DAP3: variants seen among roughly 807,000 people sequenced by gnomAD.
The protein encoded by DAP3 is small ribosomal subunit protein mS29.
A neutral mutation model predicts 51.9 loss-of-function variants in DAP3; 28 were observed. That is an observed-to-expected ratio of 0.54 (90% CI 0.40 to 0.74). The LOEUF is 0.74. Ranked by LOEUF, DAP3 falls within the 30% of genes least tolerant of loss-of-function variation. The probability of loss-of-function intolerance (pLI) is 0.00; values close to 1 mark genes in which losing one functional copy is unlikely to be tolerated. For missense variants in DAP3, 458 were observed against 483.5 expected (o/e 0.95, Z 0.49); for synonymous variants, 170 against 170.3 (o/e 1.00, Z 0.01).
chr1:155,710,491 A>G (rs1438276695), intron 2 of DAP3: 2 of 152,148 alleles, frequency 1.3e-5, no homozygotes, highest in Non-Finnish European at 2.9e-5. Context: ...AGGCCTCCCA[A>G]AGTGCTGGGA....
At chr1:155,689,015 C>G, upstream of DAP3, 1 of 1,587,634 alleles carries the variant, frequency 6.3e-7, no homozygotes, top group Non-Finnish European at 8.6e-7. Context: ...CCTAGCGCCC[C>G]TCTGCCGGCC....
upstream of DAP3, chr1:155,688,679 G>T: frequency 3.9e-6 from 6 of 1,531,228 alleles, no homozygotes; most frequent in Non-Finnish European, 5.2e-6. Context: ...GCGAGCCCAA[G>T]CCTTCTCCAC....
intron 1 of DAP3, among the ~76,000 whole-genome samples, chr1:155,702,616 A>G (rs1655452379): frequency 6.6e-6 from 1 of 152,174 alleles, no homozygotes; most frequent in Admixed American, 6.5e-5. Flanking sequence ...GGTTGTCCCA[A>G]CAGCATTTGT....
chr1:155,703,599 A>G (rs936179515), intron 1 of DAP3, among the ~76,000 whole-genome samples: 22 of 152,198 alleles, frequency 1.4e-4, no homozygotes, highest in Admixed American at 6.5e-4. Flanking sequence ...GTGCAGTGGC[A>G]TGAACTTGGC....
At chr1:155,689,079 C>G (rs1186344566), upstream of DAP3, 7 of 1,482,814 alleles carry the variant, frequency 4.7e-6, no homozygotes, top group Non-Finnish European at 2.7e-6. Context: ...CCGGATGACC[C>G]GACCCTTTTT....
At position 155,731,351 on chromosome 1, in the gene DAP3, T is replaced by C. The variant is rs528080058; in HGVS notation, c.844-5T>C. The stretch of plus-strand genomic sequence containing the variant: ...ATCTCTTCTCTCTTTCTGTCCGATA[T>C]GCAGATTGCCCCCGAGGAATTAGCA... On this transcript the variant is annotated splice_region_variant and splice_polypyrimidine_tract_variant and intron_variant, in intron 9 of 12. Coordinates refer to ENST00000368336, the MANE Select transcript of DAP3 (RefSeq NM_004632.4). 2.2e-5 allele frequency: 36 copies of C among 1,613,920 alleles called. No homozygotes were observed. The highest frequency in any genetic ancestry group is 1.6e-4 in the South Asian group (15 of 91,066).
intron 1 of DAP3, among the ~76,000 whole-genome samples, chr1:155,705,908 C>T (rs1354362222): frequency 1.3e-5 from 2 of 151,950 alleles, no homozygotes; most frequent in African/African-American, 4.8e-5. Flanking sequence ...ACCATATTGT[C>T]CAGGCTGGTC....
chr1:155,697,122 T>C (rs1417932774), intron 1 of DAP3, among the ~76,000 whole-genome samples: 1 of 152,170 alleles, frequency 6.6e-6, no homozygotes. Context: ...GCCCCCAAGT[T>C]TTTCTGAGGG....
rs1032632511 is a variant in DAP3, at chr1:155,728,902, A to G, written c.604-140A>G. The G allele has an allele frequency of 6.9e-6, 5 of 724,476 alleles. No homozygotes were observed. The African/African-American group carries it at 7.2e-5, about 10-fold the overall frequency. 44.9% of individuals were successfully genotyped at this position (724,476 alleles called of 1,614,324 possible). A position where few individuals can be genotyped will look rare whatever the true frequency, so the allele number is the denominator to read the frequency against. On this transcript the variant is annotated intron_variant, in intron 7 of 12. Transcript: ENST00000368336. Reference sequence around the variant, plus strand: ...AAGAAAAGAAAGCATTCACTTCTACATTGAGGTCTCTTACAGAACCTGAAC... The same window carrying G: ...AAGAAAAGAAAGCATTCACTTCTACGTTGAGGTCTCTTACAGAACCTGAAC...
chr1:155,718,330 G>A (rs1657560113), intron 3 of DAP3, among the ~76,000 whole-genome samples: 1 of 152,048 alleles, frequency 6.6e-6, no homozygotes, highest in Non-Finnish European at 1.5e-5. Flanking sequence ...AAGTTGCAGT[G>A]AGCCAAGATC....
intron 4 of DAP3, 127 bp downstream of exon 4, chr1:155,721,745 G>A: frequency 1.2e-6 from 1 of 854,362 alleles, no homozygotes; most frequent in Non-Finnish European, 1.9e-6. Context: ...AAATTCATGT[G>A]TTGATTACCT....
intron 2 of DAP3, among the ~76,000 whole-genome samples, 198 bp from the exon 3 acceptor site, chr1:155,716,808 G>A (rs951098964): frequency 6.6e-6 from 1 of 152,012 alleles, no homozygotes; most frequent in African/African-American, 2.4e-5. Flanking sequence ...TCAGCCGGGT[G>A]TGGTGGCGCA....
At chr1:155,720,050 T>C (rs9427223) in intron 3 of DAP3, among the ~76,000 whole-genome samples, 20,728 of 151,896 alleles carry the variant, frequency 0.14, 2,916 homozygotes, top group African/African-American at 0.36. Flanking sequence ...GTGGTCCAGG[T>C]GCAGTGGCTC....
At chr1:155,689,013 C>T (rs776241568), upstream of DAP3, 2 of 1,589,974 alleles carry the variant, frequency 1.3e-6, no homozygotes, top group Admixed American at 1.8e-5. Context: ...GGCCTAGCGC[C>T]CCTCTGCCGG....
chr1:155,734,401 T>G (rs1659551302), intron 11 of DAP3, among the ~76,000 whole-genome samples: 1 of 152,100 alleles, frequency 6.6e-6, no homozygotes, highest in African/African-American at 2.4e-5. Context: ...GGTCTTGAAC[T>G]GCTAGCCTCA....
intron 1 of DAP3, among the ~76,000 whole-genome samples, chr1:155,702,415 G>C (rs1193674868): frequency 6.6e-6 from 1 of 152,068 alleles, no homozygotes; most frequent in Non-Finnish European, 1.5e-5. Context: ...AGAGGTTGCC[G>C]TGAGCCAATG....
At chr1:155,724,902 C>T (rs990951696) in intron 4 of DAP3, among the ~76,000 whole-genome samples, 5 of 150,186 alleles carry the variant, frequency 3.3e-5, no homozygotes, top group Admixed American at 6.7e-5. Context: ...TGTGGTGAGC[C>T]GAGATCGTGC....
At position 155,731,427 on chromosome 1, in the gene DAP3, T is replaced by TGA; in HGVS notation, c.903+13_903+14dup. 6.2e-7 allele frequency: 1 copy of TGA among 1,612,798 alleles called. No individual in the cohort carries two copies. Among genetic ancestry groups the TGA allele is most frequent in the South Asian group, 1.1e-5 (1 of 91,032 alleles). On this transcript the variant is annotated intron_variant, in intron 10 of 12. Transcript: ENST00000368336. ...TGAAAAATGATTGGGTAAGTGCATA[T>TGA]GATACCTCACACATTTCAGAAAGAA...
At chr1:155,700,579 CCCCCGCCCGGCCAGCCG>C (rs1655085586) in intron 1 of DAP3, among the ~76,000 whole-genome samples, 2 of 150,792 alleles carry the variant, frequency 1.3e-5, no homozygotes, top group African/African-American at 4.9e-5. Flanking sequence ...GGGGGTCAGC[CCCCCGCCCGGCCAGCCG>C]CCCCGTCCGG....
Sources: gnomAD v4.1 joint callset for allele counts (sites outside exome capture counted in the v4.1 genomes callset) on GRCh38, gnomAD v4.1.1 for gene constraint, MANE v1.5 for transcripts, NCBI Gene and HGNC (gene_info 2026-07-23, HGNC 2026-07-21) for gene names.